The following SPINDOC variants were observed in gnomAD, a reference collection of about 807,000 sequenced individuals.
SPINDOC encodes spindlin interactor and repressor of chromatin-binding protein.
Under a neutral mutation model 30.7 loss-of-function variants are expected in SPINDOC, and 13 were observed. The ratio of observed to expected loss-of-function variants is 0.42; its 90% CI spans 0.28 to 0.67. The LOEUF is 0.67. Ranked by LOEUF, SPINDOC falls within the 30% of genes least tolerant of loss-of-function variation. The probability of loss-of-function intolerance (pLI) is 0.22; values close to 1 mark genes in which losing one functional copy is unlikely to be tolerated. For synonymous variants in SPINDOC, 228 were observed against 211.4 expected (o/e 1.08, Z -0.68); for missense variants, 438 against 518.0 (o/e 0.85, Z 1.50).
Position 63,827,182 on chromosome 11 carries a change from C to A in SPINDOC, c.*43C>A. 6.3e-7 allele frequency: 1 copy of A among 1,599,432 alleles called. No individual in the cohort carries two copies. The highest frequency in any genetic ancestry group is 8.5e-7 in the Non-Finnish European group (1 of 1,173,152). ...GAGGGAGGGAGGGATGAGGCAGCGT[C>A]CCCCAGTGGCTTATAACTCAGAGCT... On this transcript the variant is annotated 3_prime_UTR_variant, in exon 6 of 6. Transcript: ENST00000294244.
chr11:63,827,424 C>T lies in SPINDOC; in HGVS notation c.*285C>T. 2.0e-6 allele frequency: 1 copy of T among 512,810 alleles called. No homozygotes were observed. The highest frequency in any genetic ancestry group is 3.6e-6 in the Non-Finnish European group (1 of 281,014). The allele number at this position is 512,810 out of a possible 1,614,324, so 31.8% of individuals were successfully genotyped here. ...GCTGACCCCCACCTCTGTTTGTCCC[C>T]CATGACCTCCTCCCACCCTCCCCCT... On this transcript the variant is annotated 3_prime_UTR_variant, in exon 6 of 6. Coordinates refer to ENST00000294244, the MANE Select transcript of SPINDOC (RefSeq NM_138471.3).
In SPINDOC at chr11:63,826,952, C is replaced by T; in HGVS notation, c.959C>T (p.Thr320Ile). 3.8e-6 allele frequency: 6 copies of T among 1,587,602 alleles called. No homozygotes were observed. The highest frequency in any genetic ancestry group is 5.2e-6 in the Non-Finnish European group (6 of 1,156,430). ...GCTCCCCCTCCGGGGCTCCGCGGGACACTGGATCTCCAGGTTATCCGCGTG... is the reference window on the plus strand; with the variant it reads ...GCTCCCCCTCCGGGGCTCCGCGGGATACTGGATCTCCAGGTTATCCGCGTG... The part of the protein sequence containing the change: ...SPAPPPGLRG[T>I]LDLQVIRVRM... Residue 320 changes from threonine to isoleucine, a missense_variant, in exon 6 of 6, where the codon ACA (threonine) becomes ATA (isoleucine). Coordinates refer to ENST00000294244, the MANE Select transcript of SPINDOC (RefSeq NM_138471.3).
intron 5 of SPINDOC, among the ~76,000 whole-genome samples, chr11:63,819,825 T>C (rs757604426): frequency 1.1e-4 from 16 of 152,174 alleles, no homozygotes; most frequent in Non-Finnish European, 1.8e-4. Flanking sequence ...GTTTCCTTGT[T>C]TCCTGGAATT....
chr11:63,827,032 C>T lies in SPINDOC; in HGVS notation c.1039C>T (p.Gln347Ter). The T allele has an allele frequency of 6.2e-7, 1 of 1,614,200 alleles. No homozygotes were observed. Among genetic ancestry groups the T allele is most frequent in the South Asian group, 1.1e-5 (1 of 91,080 alleles). ...CCTGCAAGACTGGTCCAGGCACCCC[C>T]AGGGCACCAAGCGTGTGGGAGCAGG... ...SLLQDWSRHP[Q>*]GTKRVGAGDT... Residue 347 changes from glutamine (Q) to a stop codon, truncating the protein, a stop_gained, in exon 6 of 6, where the codon CAG becomes TAG. Coordinates refer to ENST00000294244, the MANE Select transcript of SPINDOC (RefSeq NM_138471.3). LOFTEE classifies it low-confidence loss of function (END_TRUNC).
chr11:63,824,024 C>T (rs1186743969), intron 5 of SPINDOC, among the ~76,000 whole-genome samples: 1 of 152,146 alleles, frequency 6.6e-6, no homozygotes, highest in Non-Finnish European at 1.5e-5. Context: ...TCTCCTTCCT[C>T]AGCCTCCTGA....
At chr11:63,820,073 G>A (rs1308395539) in intron 5 of SPINDOC, among the ~76,000 whole-genome samples, 1 of 152,162 alleles carries the variant, frequency 6.6e-6, no homozygotes, top group Non-Finnish European at 1.5e-5. Context: ...GTAAGTGCTT[G>A]TGTTGTTTGG....
Position 63,822,510 on chromosome 11 carries a change from C to T in SPINDOC, c.934+3508C>T. 3.4e-6 allele frequency: 3 copies of T among 885,652 alleles called. No homozygotes were observed. The South Asian group carries it at 4.1e-5, about 12-fold the overall frequency. 54.9% of individuals were successfully genotyped at this position (885,652 alleles called of 1,614,324 possible). A position where few individuals can be genotyped will look rare whatever the true frequency, so the allele number is the denominator to read the frequency against. ...GTTTGTATCCTTCAGAGAGAGCTCT[C>T]TGTGTGTTTGCGTGTGTGTGTAGTT... On this transcript the variant is annotated intron_variant, in intron 5 of 5. Coordinates refer to ENST00000294244, the MANE Select transcript of SPINDOC (RefSeq NM_138471.3).
chr11:63,827,701 TA>T lies in SPINDOC; in HGVS notation c.*563del, dbSNP rs2015690041. ...TATATCACCTTTGTTGACAATAAAT[TA>T]TTTTTTTTTATTAAGAGTTCCGTCT... is the stretch of plus-strand genomic sequence containing the variant. On this transcript the variant is annotated 3_prime_UTR_variant, in exon 6 of 6. Transcript: ENST00000294244. 1 of 154,916 alleles carries T rather than the reference TA, an allele frequency of 6.5e-6. No individual in the cohort carries two copies. Among genetic ancestry groups the T allele is most frequent in the South Asian group, 2.0e-4 (1 of 5,000 alleles). 9.6% of individuals were successfully genotyped at this position (154,916 alleles called of 1,614,324 possible).
At chr11:63,824,120 G>A (rs1287770078) in intron 5 of SPINDOC, among the ~76,000 whole-genome samples, 2 of 151,072 alleles carry the variant, frequency 1.3e-5, no homozygotes, top group Non-Finnish European at 1.5e-5. Flanking sequence ...CTATTGGCCA[G>A]GCTAGTCTCA....
At chr11:63,825,253 C>A (rs140933711) in intron 5 of SPINDOC, among the ~76,000 whole-genome samples, 8 of 152,304 alleles carry the variant, frequency 5.3e-5, no homozygotes, top group Admixed American at 1.3e-4. Flanking sequence ...CCTCTCCCCC[C>A]ACATCCCGCT....
At chr11:63,816,302 C>G (rs2015337223) in intron 1 of SPINDOC, among the ~76,000 whole-genome samples, 1 of 152,166 alleles carries the variant, frequency 6.6e-6, no homozygotes, top group Non-Finnish European at 1.5e-5. Context: ...GAAGAACCAA[C>G]AGAAGGTCAT....
chr11:63,823,911 CT>C (rs796555102), intron 5 of SPINDOC, among the ~76,000 whole-genome samples: 170 of 130,256 alleles, frequency 1.3e-3, no homozygotes, highest in Middle Eastern at 0.011. Flanking sequence ...TTTTCTTTTT[CT>C]TTTTTTTTTT....
intron 5 of SPINDOC, among the ~76,000 whole-genome samples, chr11:63,825,332 C>T (rs1304782690): frequency 6.6e-6 from 1 of 152,154 alleles, no homozygotes; most frequent in Non-Finnish European, 1.5e-5. Flanking sequence ...TCCACATTTG[C>T]TCCTCCCTCT....
In SPINDOC at chr11:63,818,931, A is replaced by T; in HGVS notation, c.863A>T (p.Asp288Val). ...LFSHTQLRGPDSKDSPKDREV... is the reference protein window; with the variant it reads ...LFSHTQLRGPVSKDSPKDREV... The stretch of plus-strand genomic sequence containing the variant: ...TCCCACACCCAGCTCAGGGGCCCAG[A>T]CAGCAAGGACTCACCCAAAGACAGG... The change falls in exon 5 of 6, where the codon GAC (aspartate) becomes GTC (valine). Residue 288 changes from aspartate to valine, a missense_variant. Asp to Val is a radical substitution (Grantham distance 152, BLOSUM62 -3). Coordinates refer to ENST00000294244, the MANE Select transcript of SPINDOC (RefSeq NM_138471.3). This position sits in a 1 kb window ranked among gnomAD's most constrained non-coding sequence, Gnocchi z 5.3. 1 of 1,614,168 alleles carries T rather than the reference A, an allele frequency of 6.2e-7. No individual in the cohort carries two copies. Among genetic ancestry groups the T allele is most frequent in the Middle Eastern group, 1.6e-4 (1 of 6,062 alleles).
rs149262563 is a variant in SPINDOC, at chr11:63,813,900, G to C, written c.127+87G>C. 5.2e-3 allele frequency: 7,246 copies of C among 1,392,968 alleles called. 28 individuals carry two copies. The highest frequency in any genetic ancestry group is 6.3e-3 in the Non-Finnish European group (6,704 of 1,066,310). The allele number at this position is 1,392,968 out of a possible 1,614,324, so 86.3% of individuals were successfully genotyped here. A position where few individuals can be genotyped will look rare whatever the true frequency, so the allele number is the denominator to read the frequency against. On this transcript the variant is annotated intron_variant, in intron 1 of 5. Transcript: ENST00000294244. ...TCCCCAGTCGGGGTCCGGGACCCGG[G>C]CACCTTCTCACCCCCTTCAGCCTTG... is the stretch of plus-strand genomic sequence containing the variant.
chr11:63,814,350 C>A (rs1408161146), intron 1 of SPINDOC, among the ~76,000 whole-genome samples: 1 of 152,214 alleles, frequency 6.6e-6, no homozygotes, highest in African/African-American at 2.4e-5. Context: ...CCCGGGCCTT[C>A]CACTTGCAGG....
At chr11:63,823,189 C>T in intron 5 of SPINDOC, 1 of 1,289,174 alleles carries the variant, frequency 7.8e-7, no homozygotes, top group Non-Finnish European at 1.0e-6. Flanking sequence ...CGTGGCGGTT[C>T]TTTGCGGAGC....
rs12290172 is a variant in SPINDOC at position 63,827,615 on chromosome 11, G to A, written c.*476G>A. ...TCCTGTCCCACCCCTGCAGAGGCCT[G>A]AAGCTGGGCCTGGGCACCCCATTCA... is the stretch of plus-strand genomic sequence containing the variant. On this transcript the variant is annotated 3_prime_UTR_variant, in exon 6 of 6. Transcript: ENST00000294244. 5,283 of 183,664 alleles carry A rather than the reference G, an allele frequency of 0.029. 254 individuals are homozygous for A. The highest frequency in any genetic ancestry group is 0.11 in the African/African-American group (4,942 of 43,126). 11.4% of individuals were successfully genotyped at this position (183,664 alleles called of 1,614,324 possible).
intron 5 of SPINDOC, among the ~76,000 whole-genome samples, chr11:63,825,601 C>T (rs1348813718): frequency 1.3e-5 from 2 of 152,206 alleles, no homozygotes; most frequent in South Asian, 2.1e-4. Context: ...GCAATCCAAA[C>T]GGCATTGGGC....
Sources: gnomAD v4.1 joint callset for allele counts (sites outside exome capture counted in the v4.1 genomes callset) on GRCh38, gnomAD v4.1.1 for gene constraint, Gnocchi (gnomAD v3.1) non-coding constraint, MANE v1.5 for transcripts, NCBI Gene and HGNC (gene_info 2026-07-23, HGNC 2026-07-21) for gene names.